MEF2A: variants seen among roughly 807,000 people sequenced by gnomAD.
The protein encoded by MEF2A is myocyte enhancer factor 2A.
MEF2A carries 28 observed loss-of-function variants against 55.8 expected under a neutral mutation model. That is an observed-to-expected ratio of 0.50 (90% CI 0.37 to 0.69). The LOEUF is 0.69. Among genes scored for constraint, MEF2A ranks in the 30% least tolerant of loss-of-function variants. MEF2A has a pLI of 0.00. For missense variants in MEF2A, 528 were observed against 626.2 expected (o/e 0.84, Z 1.67); for synonymous variants, 239 against 227.1 (o/e 1.05, Z -0.47).
At chr15:99,620,068 C>T (rs755194328) in intron 2 of MEF2A, among the ~76,000 whole-genome samples, 1 of 152,188 alleles carries the variant, frequency 6.6e-6, no homozygotes. Flanking sequence ...CGTACCACGA[C>T]AGTGGTGTGT....
chr15:99,619,978 A>G (rs2040858102), intron 2 of MEF2A, among the ~76,000 whole-genome samples: 1 of 152,246 alleles, frequency 6.6e-6, no homozygotes, highest in African/African-American at 2.4e-5. Context: ...AGTAATGTTT[A>G]AAGTTTTCTG....
At chr15:99,644,252 G>A (rs2076257880) in intron 3 of MEF2A, among the ~76,000 whole-genome samples, 1 of 152,176 alleles carries the variant, frequency 6.6e-6, no homozygotes, top group African/African-American at 2.4e-5. Context: ...TGCATTTGGT[G>A]TTACTATAGG....
At chr15:99,590,541 C>T (rs1968913456) in intron 1 of MEF2A, among the ~76,000 whole-genome samples, 1 of 150,316 alleles carries the variant, frequency 6.7e-6, no homozygotes, top group Non-Finnish European at 1.5e-5. Context: ...TCTTTGTTTT[C>T]TACTTGTCCT....
chr15:99,633,060 G>T lies in MEF2A; in HGVS notation c.-60G>T. The T allele has an allele frequency of 7.6e-6, 11 of 1,452,384 alleles. No homozygotes were observed. The highest frequency in any genetic ancestry group is 1.0e-5 in the Non-Finnish European group (11 of 1,057,350). 90.0% of individuals were successfully genotyped at this position (1,452,384 alleles called of 1,614,324 possible). Reference sequence around the variant, plus strand: ...GTGTACGATGCATTAGGGTATTGAAGAAAATTAACTTTTGAATTAAATATT... The same window carrying T: ...GTGTACGATGCATTAGGGTATTGAATAAAATTAACTTTTGAATTAAATATT... On this transcript the variant is annotated 5_prime_UTR_variant, in exon 3 of 12. Coordinates refer to ENST00000557942, the MANE Select transcript of MEF2A (RefSeq NM_001319206.4).
intron 1 of MEF2A, among the ~76,000 whole-genome samples, chr15:99,591,554 G>A (rs890027597): frequency 6.6e-6 from 1 of 152,072 alleles, no homozygotes; most frequent in East Asian, 1.9e-4. Flanking sequence ...TTGAATATGT[G>A]TGTTCAGTTT....
rs2058775104 is a variant in MEF2A, at chr15:99,712,546, ACCACC to A, written c.1294_1298del (p.Pro432AlafsTer27). ...AGCAGCAGCAGCAGCAGCCGCCGCC[ACCACC>A]GCAGCCCCAGCCACAACCCCCGCAG... On this transcript the variant is annotated frameshift_variant, in exon 12 of 12. Transcript: ENST00000557942. LOFTEE classifies it high-confidence loss of function. The surrounding 1 kb of genome is among the most constrained non-coding windows in gnomAD (Gnocchi z 4.1). The A allele has an allele frequency of 1.9e-6, 3 of 1,548,148 alleles. No homozygotes were observed. In the African/African-American group the frequency reaches 4.2e-5, roughly 22 times the overall value.
At chr15:99,673,660 AAG>A (rs1451289335) in intron 5 of MEF2A, among the ~76,000 whole-genome samples, 1 of 152,172 alleles carries the variant, frequency 6.6e-6, no homozygotes, top group African/African-American at 2.4e-5. Context: ...AAATAGAAAA[AAG>A]GGGATATGGA....
Position 99,671,403 on chromosome 15 carries a change from C to T in MEF2A, c.339C>T (p.Asp113=). Residue 113 remains aspartate, a synonymous_variant, in exon 5 of 12, where the codon GAC becomes GAT. Transcript: ENST00000557942. ...DYFEHSPLSE[D]RFSKLNEDSD... is the part of the protein sequence containing the mutation. Reference sequence around the variant, plus strand: ...TTGAGCACAGTCCACTCTCGGAGGACAGATTCAGCAAACTAAATGAAGATA... The same window carrying T: ...TTGAGCACAGTCCACTCTCGGAGGATAGATTCAGCAAACTAAATGAAGATA... 6.2e-7 allele frequency: 1 copy of T among 1,613,902 alleles called. No homozygotes were observed. The highest frequency in any genetic ancestry group is 8.5e-7 in the Non-Finnish European group (1 of 1,179,816).
intron 1 of MEF2A, among the ~76,000 whole-genome samples, chr15:99,567,970 A>T (rs986363130): frequency 6.6e-6 from 1 of 152,224 alleles, no homozygotes; most frequent in Non-Finnish European, 1.5e-5. Context: ...TGTAGACTCT[A>T]GATTAACAGT....
In MEF2A at chr15:99,694,815, CATTT is replaced by C. The variant is rs756454502; in HGVS notation, c.858+4391_858+4394del. 3.3e-5 allele frequency among the ~76,000 whole-genome samples: 5 copies of C among 152,254 alleles called. No individual in the cohort carries two copies. The South Asian group carries it at 1.0e-3, about 32-fold the overall frequency. On this transcript the variant is annotated intron_variant, in intron 8 of 11. Transcript: ENST00000557942. ...CACGGGAGATTTATCTCTTCTCTCT[CATTT>C]ATTCAACCATTTATTTCTATCAATA...
chr15:99,635,287 C>T (rs1478787361), intron 3 of MEF2A, among the ~76,000 whole-genome samples: 3 of 152,074 alleles, frequency 2.0e-5, no homozygotes, highest in Non-Finnish European at 4.4e-5. Flanking sequence ...TGTGAACTAG[C>T]AAGATAAAAA....
chr15:99,637,420 T>C (rs1202145600), intron 3 of MEF2A, among the ~76,000 whole-genome samples: 1 of 152,242 alleles, frequency 6.6e-6, no homozygotes, highest in Non-Finnish European at 1.5e-5. Context: ...TTTGATTTTC[T>C]AAAGCATTAT....
At chr15:99,609,593 T>TTTTTTTA in intron 2 of MEF2A, among the ~76,000 whole-genome samples, 1 of 152,214 alleles carries the variant, frequency 6.6e-6, no homozygotes, top group East Asian at 1.9e-4. Context: ...TGGAATACCT[T>TTTTTTTA]AGTCATTTTC....
intron 3 of MEF2A, among the ~76,000 whole-genome samples, chr15:99,639,581 G>A (rs1037807099): frequency 6.6e-6 from 1 of 152,126 alleles, no homozygotes; most frequent in Non-Finnish European, 1.5e-5. Flanking sequence ...AAGTTGCTCT[G>A]TGATAGTTTC....
chr15:99,674,726 T>C (rs2051581842), intron 6 of MEF2A, 114 bp downstream of exon 6: 1 of 884,100 alleles, frequency 1.1e-6, no homozygotes, highest in Non-Finnish European at 1.8e-6. Context: ...TGAGCAAGAA[T>C]CACTGATACA....
At chr15:99,684,599 A>G (rs1466298826) in intron 7 of MEF2A, among the ~76,000 whole-genome samples, 1 of 151,968 alleles carries the variant, frequency 6.6e-6, no homozygotes, top group Non-Finnish European at 1.5e-5. Context: ...TAGATTCTGG[A>G]TATTAGTCCT....
At chr15:99,679,415 A>G (rs919448310) in intron 7 of MEF2A, among the ~76,000 whole-genome samples, 1 of 152,276 alleles carries the variant, frequency 6.6e-6, no homozygotes, top group African/African-American at 2.4e-5. Context: ...GCAGTTCTCA[A>G]CATGGATGAA....
At chr15:99,573,189 G>A (rs547199409) in intron 1 of MEF2A, among the ~76,000 whole-genome samples, 1 of 151,542 alleles carries the variant, frequency 6.6e-6, no homozygotes, top group Non-Finnish European at 1.5e-5. Flanking sequence ...GCGGGAGGCT[G>A]AGGCAGGAGA....
chr15:99,640,583 G>T (rs374763996), intron 3 of MEF2A, among the ~76,000 whole-genome samples: 1 of 144,066 alleles, frequency 6.9e-6, no homozygotes, highest in Non-Finnish European at 1.5e-5. Context: ...TTGAGACAGG[G>T]TCTTGCTCTG....
Sources: allele counts gnomAD v4.1 joint callset (sites outside exome capture counted in the v4.1 genomes callset), GRCh38; gene constraint gnomAD v4.1.1; non-coding constraint Gnocchi (gnomAD v3.1); transcripts MANE v1.5; gene names NCBI Gene and HGNC (gene_info 2026-07-23, HGNC 2026-07-21).